ADTRP: variants seen among roughly 807,000 people sequenced by gnomAD.
ADTRP encodes androgen dependent TFPI regulating protein, also known as androgen-dependent TFPI-regulating protein.
Under a neutral mutation model 27.0 loss-of-function variants are expected in ADTRP, and 20 were observed. The observed-to-expected ratio is 0.74, with a 90% confidence interval of 0.52 to 1.08. The LOEUF (loss-of-function observed/expected upper bound fraction) is 1.08. ADTRP is among the 50% of genes least tolerant of loss of function. The probability of loss-of-function intolerance (pLI) is 0.00; values close to 1 mark genes in which losing one functional copy is unlikely to be tolerated. For missense variants in ADTRP, 251 were observed against 275.0 expected, an observed-to-expected ratio of 0.91 and a Z score of 0.62; for synonymous variants, 101 against 105.2, an observed-to-expected ratio of 0.96 and a Z score of 0.25.
intron 3 of ADTRP, among the ~76,000 whole-genome samples, chr6:11,754,034 GC>G (rs1179561703): frequency 5.3e-5 from 8 of 152,194 alleles, no homozygotes; most frequent in Non-Finnish European, 8.8e-5. Flanking sequence ...TTAATTGTCA[GC>G]CCCCGTTAAA....
chr6:11,774,603 G>A (rs993122388), intron 1 of ADTRP, among the ~76,000 whole-genome samples: 1 of 152,086 alleles, frequency 6.6e-6, no homozygotes, highest in Non-Finnish European at 1.5e-5. Context: ...GGGAGGGAAA[G>A]GTCATGCTTC....
intron 3 of ADTRP, chr6:11,755,255 A>ATT: frequency 3.8e-5 from 7 of 182,432 alleles, no homozygotes; most frequent in Non-Finnish European, 7.2e-5. Flanking sequence ...AGAAATTAGA[A>ATT]TTTTTTTTTT....
chr6:11,750,375 T>G (rs1039845208), intron 3 of ADTRP, among the ~76,000 whole-genome samples: 1 of 152,164 alleles, frequency 6.6e-6, no homozygotes, highest in African/African-American at 2.4e-5. Context: ...GTGCATAACT[T>G]CCATGCTGAT....
intron 2 of ADTRP, chr6:11,767,890 G>T: frequency 5.3e-6 from 1 of 190,376 alleles, no homozygotes; most frequent in Non-Finnish European, 1.1e-5. Flanking sequence ...ATGTATAAAA[G>T]GGGAAAATTC....
In ADTRP at chr6:11,751,895, G is replaced by A. The variant is rs141964299; in HGVS notation, c.390+14379C>T. ...CCATCCCTGGCTTTGCTATTGCTAT[G>A]AAGAAATCAGCTATCGATCTAGCCA... is the stretch of plus-strand genomic sequence containing the variant. On this transcript the variant is annotated intron_variant, in intron 3 of 5. Coordinates refer to ENST00000414691, the MANE Select transcript of ADTRP (RefSeq NM_032744.4). Among the ~76,000 whole-genome samples, 971 of 152,298 alleles carry A rather than the reference G, an allele frequency of 6.4e-3. 8 individuals are homozygous for A. Among genetic ancestry groups the A allele is most frequent in the South Asian group, 0.028 (133 of 4,828 alleles).
At chr6:11,717,050 T>C in intron 5 of ADTRP, 1 of 301,734 alleles carries the variant, frequency 3.3e-6, no homozygotes, top group South Asian at 3.2e-5. Flanking sequence ...CTATAACGCA[T>C]AGCTGGAAAT....
intron 4 of ADTRP, among the ~76,000 whole-genome samples, chr6:11,734,755 GAACTA>G (rs1762493989): frequency 6.6e-6 from 1 of 152,104 alleles, no homozygotes; most frequent in African/African-American, 2.4e-5. Flanking sequence ...GCACTGAACT[GAACTA>G]AACTTCCCCG....
At chr6:11,770,439 G>C (rs2113345370) in intron 1 of ADTRP, among the ~76,000 whole-genome samples, 1 of 152,246 alleles carries the variant, frequency 6.6e-6, no homozygotes, top group South Asian at 2.1e-4. Context: ...AAGATTGCAG[G>C]AAAGGGAGAG....
chr6:11,715,499 T>C (rs953750588), intron 5 of ADTRP, among the ~76,000 whole-genome samples: 1 of 152,036 alleles, frequency 6.6e-6, no homozygotes, highest in Non-Finnish European at 1.5e-5. Flanking sequence ...TCATGCAAAA[T>C]TTTCAAGATC....
chr6:11,727,389 C>A (rs908749911), intron 4 of ADTRP, among the ~76,000 whole-genome samples: 6 of 152,118 alleles, frequency 3.9e-5, no homozygotes, highest in African/African-American at 1.4e-4. Flanking sequence ...ACCTGCATGG[C>A]TACTTCTCAT....
At chr6:11,766,692 C>T (rs1219537187) in intron 2 of ADTRP, among the ~76,000 whole-genome samples, 1 of 152,142 alleles carries the variant, frequency 6.6e-6, no homozygotes, top group Non-Finnish European at 1.5e-5. Context: ...TTTATTTTAA[C>T]CAATAACTTC....
At chr6:11,770,178 G>T (rs1193452369) in intron 1 of ADTRP, 2 of 1,214,806 alleles carry the variant, frequency 1.6e-6, no homozygotes, top group Non-Finnish European at 2.4e-6. Flanking sequence ...ATTATCTCCA[G>T]GTGGGAGAAT....
At position 11,770,533 on chromosome 6, in the gene ADTRP, G is replaced by A. The variant is rs139761420; in HGVS notation, c.154-2150C>T. Among the ~76,000 whole-genome samples the A allele has an allele frequency of 1.1e-3, 162 of 152,236 alleles. 1 individual carries two copies. Among genetic ancestry groups the A allele is most frequent in the Non-Finnish European group, 1.9e-3 (132 of 68,010 alleles). The stretch of plus-strand genomic sequence containing the variant: ...GGACAGGAAGGGAAAGGGACATAAA[G>A]GTACTAAAGAACGGCCGGGGGTAGA... On this transcript the variant is annotated intron_variant, in intron 1 of 5. Coordinates refer to ENST00000414691, the MANE Select transcript of ADTRP (RefSeq NM_032744.4).
intron 4 of ADTRP, among the ~76,000 whole-genome samples, chr6:11,730,205 A>G (rs2113889550): frequency 6.6e-6 from 1 of 152,242 alleles, no homozygotes; most frequent in African/African-American, 2.4e-5. Flanking sequence ...GACAACAAGG[A>G]TGTGTTGTGT....
At chr6:11,754,285 T>A (rs190139949) in intron 3 of ADTRP, among the ~76,000 whole-genome samples, 3 of 152,140 alleles carry the variant, frequency 2.0e-5, no homozygotes, top group Non-Finnish European at 4.4e-5. Flanking sequence ...GAGGAAATGA[T>A]AAATCCAGCA....
intron 4 of ADTRP, among the ~76,000 whole-genome samples, chr6:11,733,879 A>G (rs1477234428): frequency 6.6e-6 from 1 of 152,164 alleles, no homozygotes; most frequent in Non-Finnish European, 1.5e-5. Flanking sequence ...ATTTTCCCCA[A>G]TAACAGCAGT....
chr6:11,728,026 T>G (rs531967036), intron 4 of ADTRP, among the ~76,000 whole-genome samples: 1 of 151,704 alleles, frequency 6.6e-6, no homozygotes, highest in African/African-American at 2.4e-5. Context: ...ATTCAACATG[T>G]CTTCTATTTC....
intron 1 of ADTRP, among the ~76,000 whole-genome samples, chr6:11,777,448 T>G (rs557042002): frequency 7.9e-5 from 12 of 151,946 alleles, no homozygotes; most frequent in Non-Finnish European, 1.6e-4. Flanking sequence ...GACACAAACC[T>G]TAGGGGTGTG....
intron 3 of ADTRP, among the ~76,000 whole-genome samples, chr6:11,740,191 C>A (rs140355651): frequency 1.3e-5 from 2 of 152,138 alleles, no homozygotes; most frequent in Non-Finnish European, 2.9e-5. Flanking sequence ...GGCCACATTC[C>A]GATCTGCGAA....
Sources: gnomAD v4.1 joint callset for allele counts (sites outside exome capture counted in the v4.1 genomes callset) on GRCh38, gnomAD v4.1.1 for gene constraint, MANE v1.5 for transcripts, NCBI Gene and HGNC (gene_info 2026-07-23, HGNC 2026-07-21) for gene names.